TASOR2: variants seen among roughly 807,000 people sequenced by gnomAD.
TASOR2 encodes protein TASOR 2.
Under a neutral mutation model 199.5 loss-of-function variants are expected in TASOR2, and 84 were observed. The ratio of observed to expected loss-of-function variants is 0.42; its 90% CI spans 0.35 to 0.50. The LOEUF is 0.50. TASOR2 is among the 20% of genes least tolerant of loss of function. TASOR2 has a pLI of 0.02. For synonymous variants in TASOR2, 1,103 were observed against 1,046.6 expected, an observed-to-expected ratio of 1.05 and a Z score of -1.04; for missense variants, 2,796 against 2,835.9, an observed-to-expected ratio of 0.99 and a Z score of 0.32.
intron 14 of TASOR2, among the ~76,000 whole-genome samples, chr10:5,745,322 A>T (rs887472250): frequency 2.0e-5 from 3 of 152,188 alleles, no homozygotes; most frequent in African/African-American, 7.2e-5. Flanking sequence ...TCATGCAAAG[A>T]AGATAGCTAA....
chr10:5,762,516 T>C lies in TASOR2; in HGVS notation c.7175-16T>C, dbSNP rs767581748. On this transcript the variant is annotated splice_polypyrimidine_tract_variant and intron_variant, in intron 19 of 20. Transcript: ENST00000328090. ...AATTATATTAACCAAAAGTTGTTTT[T>C]TTTTTTTTTTAACAGACAAGCCTAC... The C allele has an allele frequency of 2.0e-4, 121 of 603,208 alleles. 7 individuals carry two copies. The highest frequency in any genetic ancestry group is 1.4e-3 in the Middle Eastern group (3 of 2,096). The allele number at this position is 603,208 out of a possible 1,614,324, so 37.4% of individuals were successfully genotyped here.
chr10:5,749,642 G>C (rs747302935), exon 15 of TASOR2: 8 of 1,614,162 alleles, frequency 5.0e-6, no homozygotes, highest in Non-Finnish European at 1.7e-6. Flanking sequence ...GAGAGATGTA[G>C]TCATAATAGA....
chr10:5,747,665 G>T, exon 15 of TASOR2: 2 of 1,614,014 alleles, frequency 1.2e-6, no homozygotes, highest in South Asian at 2.2e-5. Flanking sequence ...AAAGAGACAC[G>T]ACCATATCAG....
intron 1 of TASOR2, among the ~76,000 whole-genome samples, chr10:5,700,557 A>G (rs1232610459): frequency 6.6e-6 from 1 of 152,172 alleles, no homozygotes; most frequent in Admixed American, 6.5e-5. Context: ...CCAGCAGTGT[A>G]TAAGGGTTCC....
At chr10:5,712,034 C>T (rs527904521) in intron 1 of TASOR2, 1 of 156,178 alleles carries the variant, frequency 6.4e-6, no homozygotes, top group East Asian at 1.9e-4. Context: ...ATGAAAAAAA[C>T]TAAAGAATGA....
chr10:5,742,463 T>C lies in TASOR2; in HGVS notation c.2694T>C (p.Phe898=). Reference sequence around the variant, plus strand: ...TACAAAATGAACAGAAAAAAACTTTTGCAAGAGAGTGTGATCCAGACACCC... The same window carrying C: ...TACAAAATGAACAGAAAAAAACTTTCGCAAGAGAGTGTGATCCAGACACCC... The change falls in exon 14 of 21, where the codon TTT becomes TTC. Residue 898 remains phenylalanine, a synonymous_variant. Coordinates refer to ENST00000328090, the Ensembl canonical transcript of TASOR2. This position sits in a 1 kb window ranked among gnomAD's most constrained non-coding sequence, Gnocchi z 4.2. 1 of 1,614,072 alleles carries C rather than the reference T, an allele frequency of 6.2e-7. No homozygotes were observed. The highest frequency in any genetic ancestry group is 8.5e-7 in the Non-Finnish European group (1 of 1,180,002).
At chr10:5,759,130 A>G (rs1588937024) in intron 18 of TASOR2, 138 bp downstream of exon 19, 2 of 631,734 alleles carry the variant, frequency 3.2e-6, no homozygotes, top group Non-Finnish European at 5.6e-6. Context: ...CTGGCTCTGT[A>G]TTCAATGAAG....
chr10:5,685,928 C>T lies in TASOR2; in HGVS notation c.-288+753C>T, dbSNP rs1835759443. Among the ~76,000 whole-genome samples, 2 of 152,148 alleles carry T rather than the reference C, an allele frequency of 1.3e-5. No homozygotes were observed. The highest frequency in any genetic ancestry group is 2.1e-4 in the South Asian group (1 of 4,830). On this transcript the variant is annotated intron_variant, in intron 1 of 20. Coordinates refer to ENST00000328090, the Ensembl canonical transcript of TASOR2. The surrounding 1 kb of genome is among the most constrained non-coding windows in gnomAD (Gnocchi z 5.4). The stretch of plus-strand genomic sequence containing the variant: ...GTGTATCCAAAACTTAAATATGTGG[C>T]GTACAAGTGTATGGTATTATTGGAA...
At chr10:5,691,168 C>T (rs7910414) in intron 1 of TASOR2, among the ~76,000 whole-genome samples, 40,812 of 146,828 alleles carry the variant, frequency 0.28, 6,442 homozygotes, top group Non-Finnish European at 0.35. Flanking sequence ...TCCAGCCTGA[C>T]GACAGAGTGA....
At chr10:5,716,030 C>G (rs529932853) in intron 2 of TASOR2, among the ~76,000 whole-genome samples, 48 of 152,278 alleles carry the variant, frequency 3.2e-4, no homozygotes, top group Admixed American at 3.1e-3. Context: ...TATGGTGTAG[C>G]CTATTGCCCC....
chr10:5,747,166 A>T, exon 15 of TASOR2: 1 of 1,614,120 alleles, frequency 6.2e-7, no homozygotes, highest in Non-Finnish European at 8.5e-7. Context: ...AAACACTGAA[A>T]ATATGAATTT....
In TASOR2 at chr10:5,730,425, C is replaced by T; in HGVS notation, c.488-62C>T. Reference sequence around the variant, plus strand: ...ATTTTGAAATCTAAAGCTTTTTTTTCCAGAATGTTTTGTTTTTAAAAAATA... The same window carrying T: ...ATTTTGAAATCTAAAGCTTTTTTTTTCAGAATGTTTTGTTTTTAAAAAATA... On this transcript the variant is annotated intron_variant, in intron 10 of 20. Coordinates refer to ENST00000328090, the Ensembl canonical transcript of TASOR2. The surrounding 1 kb of genome is among the most constrained non-coding windows in gnomAD (Gnocchi z 4.1). 1 of 1,295,280 alleles carries T rather than the reference C, an allele frequency of 7.7e-7. No homozygotes were observed. Among genetic ancestry groups the T allele is most frequent in the Non-Finnish European group, 1.0e-6 (1 of 953,830 alleles). The allele number at this position is 1,295,280 out of a possible 1,614,324, so 80.2% of individuals were successfully genotyped here. A position where few individuals can be genotyped will look rare whatever the true frequency, so the allele number is the denominator to read the frequency against.
rs193219247 is a variant in TASOR2, at chr10:5,756,815, T to G, written c.6732+77T>G. 2.3e-4 allele frequency: 345 copies of G among 1,474,174 alleles called. 4 individuals are homozygous for G. In the South Asian group the frequency reaches 2.6e-3, roughly 11 times the overall value. 91.3% of individuals were successfully genotyped at this position (1,474,174 alleles called of 1,614,324 possible). On this transcript the variant is annotated intron_variant, in intron 16 of 20. Coordinates refer to ENST00000328090, the Ensembl canonical transcript of TASOR2. ...CTGTAATGCTCAGACTCATCCCTCT[T>G]TTTTTATGTAGAAGAGAAGCTAACA...
At chr10:5,747,714 G>A (rs1193106698) in exon 15 of TASOR2, 2 of 1,614,068 alleles carry the variant, frequency 1.2e-6, no homozygotes, top group Non-Finnish European at 1.7e-6. Context: ...ATGGTACACA[G>A]TGTGAGAAGA....
chr10:5,700,760 C>T (rs540974193), intron 1 of TASOR2, among the ~76,000 whole-genome samples: 1 of 150,374 alleles, frequency 6.7e-6, no homozygotes, highest in African/African-American at 2.4e-5. Context: ...GATCTTTTGC[C>T]TGTTTTTTAA....
At chr10:5,713,262 G>A (rs951845974) in intron 2 of TASOR2, among the ~76,000 whole-genome samples, 1 of 152,076 alleles carries the variant, frequency 6.6e-6, no homozygotes, top group Non-Finnish European at 1.5e-5. Flanking sequence ...TGTTTCCTGT[G>A]GAAATTTTTC....
rs756070899 is a variant in TASOR2, at chr10:5,742,065, G to A, written c.2328-32G>A. On this transcript the variant is annotated intron_variant, in intron 13 of 20. Coordinates refer to ENST00000328090, the Ensembl canonical transcript of TASOR2. This position sits in a 1 kb window ranked among gnomAD's most constrained non-coding sequence, Gnocchi z 4.2. ...ATCAACTAAAATAACCATTTTCAAT[G>A]ATTTTCATGTGTTCTTTCTGTAAAC... is the stretch of plus-strand genomic sequence containing the variant. 3.8e-6 allele frequency: 6 copies of A among 1,587,666 alleles called. No individual in the cohort carries two copies. Among genetic ancestry groups the A allele is most frequent in the Non-Finnish European group, 5.1e-6 (6 of 1,171,086 alleles).
chr10:5,740,135 A>T lies in TASOR2; in HGVS notation c.1965A>T (p.Ser655=), dbSNP rs368818921. Residue 655 remains serine (S), a synonymous_variant, in exon 13 of 21, where the codon TCA becomes TCT. Coordinates refer to ENST00000328090, the Ensembl canonical transcript of TASOR2. This position sits in a 1 kb window ranked among gnomAD's most constrained non-coding sequence, Gnocchi z 5.3. ...GCTCTTCTGTTTCTGTGGAACATTC[A>T]TATGCCCTGCTCCTTACAGAACATT... 41 of 1,614,062 alleles carry T rather than the reference A, an allele frequency of 2.5e-5. No homozygotes were observed. Among genetic ancestry groups the T allele is most frequent in the Non-Finnish European group, 3.5e-5 (41 of 1,180,050 alleles).
intron 15 of TASOR2, 114 bp from the exon 17 acceptor site, chr10:5,756,499 G>A: frequency 2.1e-6 from 2 of 972,808 alleles, no homozygotes; most frequent in East Asian, 5.4e-5. Context: ...AAGACAAATT[G>A]TCATTTATGG....
Sources: gnomAD v4.1 joint callset for allele counts (sites outside exome capture counted in the v4.1 genomes callset) on GRCh38, gnomAD v4.1.1 for gene constraint, Gnocchi (gnomAD v3.1) non-coding constraint, MANE v1.5 for transcripts, NCBI Gene and HGNC (gene_info 2026-07-23, HGNC 2026-07-21) for gene names.